The following TUBB2A variants were observed in gnomAD, a reference collection of about 807,000 sequenced individuals.
TUBB2A encodes the protein tubulin beta-2A chain.
In TUBB2A, 7 loss-of-function variants were observed where a neutral mutation model predicts 33.9. That is an observed-to-expected ratio of 0.21 (90% CI 0.12 to 0.39). TUBB2A has a LOEUF of 0.39. Ranked by LOEUF, TUBB2A falls within the 10% of genes least tolerant of loss-of-function variation. The pLI is 1.00. For synonymous variants in TUBB2A, 187 were observed against 247.6 expected (o/e 0.76, Z 2.30); for missense variants, 80 against 593.4 (o/e 0.13, Z 8.99).
Position 3,157,391 on chromosome 6 carries a change from G to C in TUBB2A, c.57+16C>G. ...CTCGGTCCCAACCCCGGGCCCCTCC[G>C]TGGCGGTGAGCCCACCTTGGCGCCG... On this transcript the variant is annotated intron_variant, in intron 1 of 3. Transcript: ENST00000333628. 6.6e-7 allele frequency: 1 copy of C among 1,520,336 alleles called. No individual in the cohort carries two copies. The highest frequency in any genetic ancestry group is 8.8e-7 in the Non-Finnish European group (1 of 1,140,130). The allele number at this position is 1,520,336 out of a possible 1,614,324, so 94.2% of individuals were successfully genotyped here. A position where few individuals can be genotyped will look rare whatever the true frequency, so the allele number is the denominator to read the frequency against.
Position 3,153,724 on chromosome 6 carries a change from T to G in TUBB2A, c.*139A>C. On this transcript the variant is annotated 3_prime_UTR_variant, in exon 4 of 4. Transcript: ENST00000333628. ...CCTTCACAGACAATACTGTAATTTT[T>G]AGAGGAGTTCCACATCATTACATCA... 1 of 1,326,406 alleles carries G rather than the reference T, an allele frequency of 7.5e-7. No homozygotes were observed. Among genetic ancestry groups the G allele is most frequent in the African/African-American group, 1.5e-5 (1 of 67,850 alleles). The allele number at this position is 1,326,406 out of a possible 1,614,324, so 82.2% of individuals were successfully genotyped here.
rs1762618937 is a variant in TUBB2A at position 3,155,561 on chromosome 6, T to C, written c.277+64A>G. 7.6e-7 allele frequency: 1 copy of C among 1,322,568 alleles called. No individual in the cohort carries two copies. The highest frequency in any genetic ancestry group is 1.8e-5 in the Admixed American group (1 of 54,198). 81.9% of individuals were successfully genotyped at this position (1,322,568 alleles called of 1,614,324 possible). A position where few individuals can be genotyped will look rare whatever the true frequency, so the allele number is the denominator to read the frequency against. On this transcript the variant is annotated intron_variant, in intron 3 of 3. Coordinates refer to ENST00000333628, the MANE Select transcript of TUBB2A (RefSeq NM_001069.3). This position sits in a 1 kb window ranked among gnomAD's most constrained non-coding sequence, Gnocchi z 4.2. ...TGGCACTGAACACTAAGAACTGTGC[T>C]TTGCAGGGCTGTTAGGAAGAAGGTG...
rs1261292356 is a variant in TUBB2A at position 3,155,870 on chromosome 6, G to A, written c.167-135C>T. ...AAAAAGGAGGTCCTGAGTGTGCTTA[G>A]CCGTGGCAAACAGGCAGGAATCTTA... is the stretch of plus-strand genomic sequence containing the variant. On this transcript the variant is annotated intron_variant, in intron 2 of 3. Coordinates refer to ENST00000333628, the MANE Select transcript of TUBB2A (RefSeq NM_001069.3). The surrounding 1 kb of genome is among the most constrained non-coding windows in gnomAD (Gnocchi z 4.2). The A allele has an allele frequency of 7.3e-7, 1 of 1,372,806 alleles. No individual in the cohort carries two copies. The highest frequency in any genetic ancestry group is 1.5e-5 in the African/African-American group (1 of 68,786). 85.0% of individuals were successfully genotyped at this position (1,372,806 alleles called of 1,614,324 possible).
intron 1 of TUBB2A, among the ~76,000 whole-genome samples, chr6:3,157,001 C>G (rs1009161916): frequency 7.9e-5 from 12 of 152,238 alleles, no homozygotes; most frequent in African/African-American, 2.9e-4. Context: ...CCTGTACGAC[C>G]CAAAGGGACG....
In TUBB2A at chr6:3,153,800, A is replaced by G. The variant is rs1762586322; in HGVS notation, c.*63T>C. ...AAACTGAGCACCATAGTTTACAAGT[A>G]GAAAGACCATGCTTGAGGACAACAG... On this transcript the variant is annotated 3_prime_UTR_variant, in exon 4 of 4. Coordinates refer to ENST00000333628, the MANE Select transcript of TUBB2A (RefSeq NM_001069.3). 3.1e-6 allele frequency: 5 copies of G among 1,602,586 alleles called. No individual in the cohort carries two copies. Among genetic ancestry groups the G allele is most frequent in the South Asian group, 1.1e-5 (1 of 89,968 alleles).
Position 3,155,348 on chromosome 6 carries a change from G to A in TUBB2A, c.277+277C>T, listed in dbSNP as rs535531416. On this transcript the variant is annotated intron_variant, in intron 3 of 3. Coordinates refer to ENST00000333628, the MANE Select transcript of TUBB2A (RefSeq NM_001069.3). This position sits in a 1 kb window ranked among gnomAD's most constrained non-coding sequence, Gnocchi z 4.2. Reference sequence around the variant, plus strand: ...TGGCTCTTTGAAGTCCTTTCAAGTTGCCTATAGCCTATGAAGCCTGGCTTG... The same window carrying A: ...TGGCTCTTTGAAGTCCTTTCAAGTTACCTATAGCCTATGAAGCCTGGCTTG... 3.9e-5 allele frequency among the ~76,000 whole-genome samples: 6 copies of A among 152,274 alleles called. No individual in the cohort carries two copies. The highest frequency in any genetic ancestry group is 1.9e-4 in the East Asian group (1 of 5,182).
In TUBB2A at chr6:3,155,481, T is replaced by G; in HGVS notation, c.277+144A>C. The stretch of plus-strand genomic sequence containing the variant: ...TTGATCTGTGAGCCATGACCACCCA[T>G]GGACTGCATGGAGCTAGGCCAGGAC... On this transcript the variant is annotated intron_variant, in intron 3 of 3. Transcript: ENST00000333628. This position sits in a 1 kb window ranked among gnomAD's most constrained non-coding sequence, Gnocchi z 4.2. The G allele has an allele frequency of 1.7e-6, 1 of 577,488 alleles. No individual in the cohort carries two copies. The allele number at this position is 577,488 out of a possible 1,614,324, so 35.8% of individuals were successfully genotyped here. A position where few individuals can be genotyped will look rare whatever the true frequency, so the allele number is the denominator to read the frequency against.
At chr6:3,156,525 C>T (rs1372292271) in intron 1 of TUBB2A, among the ~76,000 whole-genome samples, 5 of 166 alleles carry the variant, frequency 0.03, no homozygotes, top group Admixed American at 0.2. Context: ...ATTGATGGGT[C>T]GTGGCAGGCC....
rs1762612609 is a variant in TUBB2A at position 3,155,228 on chromosome 6, T to A, written c.278-305A>T. ...AAGAGGCATTCTCTTTATACTCAAC[T>A]ACAATTAAACAGGCAAGGTGAAGGC... On this transcript the variant is annotated intron_variant, in intron 3 of 3. Coordinates refer to ENST00000333628, the MANE Select transcript of TUBB2A (RefSeq NM_001069.3). The surrounding 1 kb of genome is among the most constrained non-coding windows in gnomAD (Gnocchi z 4.2). Among the ~76,000 whole-genome samples, 1 of 152,224 alleles carries A rather than the reference T, an allele frequency of 6.6e-6. No homozygotes were observed. Among genetic ancestry groups the A allele is most frequent in the Admixed American group, 6.5e-5 (1 of 15,276 alleles).
rs1314594198 is a variant in TUBB2A, at chr6:3,157,508, G to A, written c.-45C>T. On this transcript the variant is annotated 5_prime_UTR_variant, in exon 1 of 4. Coordinates refer to ENST00000333628, the MANE Select transcript of TUBB2A (RefSeq NM_001069.3). ...GTGGCGCTGGCCCTCGGAGCGGTGCGCGGCGTGGACCGGCGGGCTGGGCTG... is the reference window on the plus strand; with the variant it reads ...GTGGCGCTGGCCCTCGGAGCGGTGCACGGCGTGGACCGGCGGGCTGGGCTG... 2 of 1,468,656 alleles carry A rather than the reference G, an allele frequency of 1.4e-6. No individual in the cohort carries two copies. Among genetic ancestry groups the A allele is most frequent in the African/African-American group, 1.5e-5 (1 of 68,026 alleles). 91.0% of individuals were successfully genotyped at this position (1,468,656 alleles called of 1,614,324 possible).
intron 1 of TUBB2A, among the ~76,000 whole-genome samples, chr6:3,156,397 G>A (rs1391661218): frequency 6.6e-6 from 1 of 152,312 alleles, no homozygotes; most frequent in Non-Finnish European, 1.5e-5. Context: ...CCCTGGAGGA[G>A]GAGGGGACAC....
intron 1 of TUBB2A, 91 bp from the exon 2 acceptor site, chr6:3,156,243 C>A (rs1278985780): frequency 7.2e-5 from 99 of 1,381,826 alleles, no homozygotes; most frequent in Non-Finnish European, 9.3e-5. Flanking sequence ...GGAACAGGGG[C>A]TTTTGTGGTC....
intron 1 of TUBB2A, 39 bp downstream of exon 1, chr6:3,157,368 C>G: frequency 6.8e-7 from 1 of 1,460,662 alleles, no homozygotes; most frequent in Non-Finnish European, 9.0e-7. Context: ...CCCGCACCCT[C>G]GGTCCCAACC....
In TUBB2A at chr6:3,154,907, C is replaced by G. The variant is rs188542181; in HGVS notation, c.294G>C (p.Gly98=). ...DNFVFGQSGA[G]NNWAKGHYTE... is the part of the protein sequence containing the mutation. ...TGTAGTGGCCCTTGGCCCAGTTATT[C>G]CCGGCTCCACTCTGGCCTGCCAGAG... Residue 98 remains glycine, a synonymous_variant, in exon 4 of 4, where the codon GGG becomes GGC. Transcript: ENST00000333628. 2.5e-4 allele frequency: 407 copies of G among 1,613,920 alleles called. 2 individuals are homozygous for G. In the East Asian group the frequency reaches 8.3e-3, roughly 33 times the overall value.
At position 3,155,635 on chromosome 6, in the gene TUBB2A, G is replaced by A. The variant is rs1133246; in HGVS notation, c.267C>T (p.Asn89=). 2.5e-6 allele frequency: 4 copies of A among 1,612,446 alleles called. No homozygotes were observed. The highest frequency in any genetic ancestry group is 2.5e-6 in the Non-Finnish European group (3 of 1,179,288). ...ATCATGACTACATACCGAACACGAA[G>A]TTGTCTGGTCTGAAGATCTGGCCGA... ...GPFGQIFRPD[N]FVFGQSGAGN... Residue 89 remains asparagine (N), a synonymous_variant, in exon 3 of 4, where the codon AAC becomes AAT. Transcript: ENST00000333628. The surrounding 1 kb of genome is among the most constrained non-coding windows in gnomAD (Gnocchi z 4.2).
chr6:3,157,142 C>T (rs1762650643), intron 1 of TUBB2A, among the ~76,000 whole-genome samples: 1 of 152,260 alleles, frequency 6.6e-6, no homozygotes, highest in Non-Finnish European at 1.5e-5. Context: ...GTTTCTGAGA[C>T]AAATACACCC....
Position 3,157,471 on chromosome 6 carries a change from G to T in TUBB2A, c.-8C>A. The T allele has an allele frequency of 6.6e-7, 1 of 1,526,300 alleles. No homozygotes were observed. Among genetic ancestry groups the T allele is most frequent in the Non-Finnish European group, 8.7e-7 (1 of 1,143,292 alleles). The allele number at this position is 1,526,300 out of a possible 1,614,324, so 94.5% of individuals were successfully genotyped here. On this transcript the variant is annotated 5_prime_UTR_variant, in exon 1 of 4. Coordinates refer to ENST00000333628, the MANE Select transcript of TUBB2A (RefSeq NM_001069.3). ...GTGCACGATCTCGCGCATGGTGCCG[G>T]CTGCGGAGCGGGTGGCGCTGGCCCT...
At position 3,155,728 on chromosome 6, in the gene TUBB2A, T is replaced by C. The variant is rs995437791; in HGVS notation, c.174A>G (p.Lys58=). Residue 58 remains lysine (K), a synonymous_variant, in exon 3 of 4, where the codon AAA becomes AAG. Coordinates refer to ENST00000333628, the MANE Select transcript of TUBB2A (RefSeq NM_001069.3). The surrounding 1 kb of genome is among the most constrained non-coding windows in gnomAD (Gnocchi z 4.2). Reference sequence around the variant, plus strand: ...CCACCAGGATGGCCCGAGGTACATATTTGTTACCTGCAGGAAATAAGAACT... The same window carrying C: ...CCACCAGGATGGCCCGAGGTACATACTTGTTACCTGCAGGAAATAAGAACT... The part of the protein sequence containing the change: ...NVYYNEAAGN[K]YVPRAILVDL... 32 of 1,613,438 alleles carry C rather than the reference T, an allele frequency of 2.0e-5. No homozygotes were observed. The highest frequency in any genetic ancestry group is 1.3e-5 in the African/African-American group (1 of 74,902).
chr6:3,155,761 G>C lies in TUBB2A; in HGVS notation c.167-26C>G. The C allele has an allele frequency of 6.3e-7, 1 of 1,581,806 alleles. No individual in the cohort carries two copies. Among genetic ancestry groups the C allele is most frequent in the Non-Finnish European group, 8.7e-7 (1 of 1,152,186 alleles). On this transcript the variant is annotated intron_variant, in intron 2 of 3. Transcript: ENST00000333628. The surrounding 1 kb of genome is among the most constrained non-coding windows in gnomAD (Gnocchi z 4.2). ...CTGCAGGAAATAAGAACTGACTCAG[G>C]CCTGTGCTTGGGGAGGGACTCACAG...
Sources: allele counts gnomAD v4.1 joint callset (sites outside exome capture counted in the v4.1 genomes callset), GRCh38; gene constraint gnomAD v4.1.1; non-coding constraint Gnocchi (gnomAD v3.1); transcripts MANE v1.5; gene names NCBI Gene and HGNC (gene_info 2026-07-23, HGNC 2026-07-21).